NUFIP2: variants seen among roughly 807,000 people sequenced by gnomAD.
NUFIP2 encodes the protein nuclear FMR1 interacting protein 2.
NUFIP2 carries 6 observed loss-of-function variants against 56.9 expected under a neutral mutation model. That is an observed-to-expected ratio of 0.11 (90% CI 0.06 to 0.21). NUFIP2 has a LOEUF of 0.21. Among genes scored for constraint, NUFIP2 ranks in the 10% least tolerant of loss-of-function variants. The pLI is 1.00. For missense variants in NUFIP2, 828 were observed against 826.8 expected, an observed-to-expected ratio of 1.00 and a Z score of -0.02; for synonymous variants, 321 against 298.2, an observed-to-expected ratio of 1.08 and a Z score of -0.79.
At position 29,292,888 on chromosome 17, in the gene NUFIP2, G is replaced by T. The variant is rs1229173150; in HGVS notation, c.277+895C>A. Among the ~76,000 whole-genome samples the T allele has an allele frequency of 2.8e-5, 4 of 142,180 alleles. 1 individual carries two copies. The highest frequency in any genetic ancestry group is 2.1e-4 in the South Asian group (1 of 4,734). The allele number at this position is 142,180 out of a possible 152,430, so 93.3% of individuals were successfully genotyped here. A position where few individuals can be genotyped will look rare whatever the true frequency, so the allele number is the denominator to read the frequency against. On this transcript the variant is annotated intron_variant, in intron 1 of 3. Transcript: ENST00000225388. ...CACAACCCCGGCCGGCGACGGGGGG[G>T]GGGGCGGCCGCGGTGCGGGGGGCGC...
At chr17:29,277,063 C>T (rs1481070915) in intron 2 of NUFIP2, among the ~76,000 whole-genome samples, 3 of 152,162 alleles carry the variant, frequency 2.0e-5, no homozygotes, top group East Asian at 1.9e-4. Flanking sequence ...CTCGCTCTGT[C>T]GCCCAGACTA....
intron 2 of NUFIP2, among the ~76,000 whole-genome samples, chr17:29,275,749 C>G (rs1168938780): frequency 2.6e-5 from 4 of 151,998 alleles, no homozygotes; most frequent in Non-Finnish European, 4.4e-5. Flanking sequence ...ATCTGACAGC[C>G]GGGTGCAGTG....
chr17:29,266,432 T>G (rs946979001), intron 3 of NUFIP2, among the ~76,000 whole-genome samples: 8 of 151,962 alleles, frequency 5.3e-5, no homozygotes, highest in African/African-American at 1.9e-4. Flanking sequence ...TCCTAATATG[T>G]AAAATAAGAG....
chr17:29,266,627 T>C (rs2069038545), intron 3 of NUFIP2, among the ~76,000 whole-genome samples: 1 of 151,912 alleles, frequency 6.6e-6, no homozygotes, highest in South Asian at 2.1e-4. Flanking sequence ...GAACTATGAA[T>C]TTCAATTCTT....
chr17:29,268,771 C>T (rs1188285279), intron 2 of NUFIP2, among the ~76,000 whole-genome samples: 1 of 151,904 alleles, frequency 6.6e-6, no homozygotes, highest in Non-Finnish European at 1.5e-5. Context: ...TCAAGTGATC[C>T]GCCCACCTCA....
Position 29,260,326 on chromosome 17 carries a change from T to C in NUFIP2, c.*4213A>G, listed in dbSNP as rs2068995221. On this transcript the variant is annotated 3_prime_UTR_variant, in exon 4 of 4. Transcript: ENST00000225388. The stretch of plus-strand genomic sequence containing the variant: ...TCAACCAATCTGACCATAATGACCA[T>C]TATATTTGTCCCATAACATAACTGT... The C allele has an allele frequency of 6.6e-6, 1 of 152,198 alleles. No homozygotes were observed. Among genetic ancestry groups the C allele is most frequent in the African/African-American group, 2.4e-5 (1 of 41,434 alleles). 9.4% of individuals were successfully genotyped at this position (152,198 alleles called of 1,614,324 possible).
chr17:29,264,939 A>G (rs1441187247), intron 3 of NUFIP2, among the ~76,000 whole-genome samples: 1 of 152,244 alleles, frequency 6.6e-6, no homozygotes, highest in Non-Finnish European at 1.5e-5. Flanking sequence ...CTTGTCACCA[A>G]TAATCCAATA....
At position 29,260,719 on chromosome 17, in the gene NUFIP2, G is replaced by A. The variant is rs1442927267; in HGVS notation, c.*3820C>T. On this transcript the variant is annotated 3_prime_UTR_variant, in exon 4 of 4. Transcript: ENST00000225388. ...TGTATTGTGGACAACTCCCATAGTT[G>A]AGGTTTGTCATATTTTCCCTACAAA... is the stretch of plus-strand genomic sequence containing the variant. 1 of 152,146 alleles carries A rather than the reference G, an allele frequency of 6.6e-6. No homozygotes were observed. Among genetic ancestry groups the A allele is most frequent in the Non-Finnish European group, 1.5e-5 (1 of 68,036 alleles). 9.4% of individuals were successfully genotyped at this position (152,146 alleles called of 1,614,324 possible). A position where few individuals can be genotyped will look rare whatever the true frequency, so the allele number is the denominator to read the frequency against.
At chr17:29,281,783 T>C (rs915912075) in intron 2 of NUFIP2, among the ~76,000 whole-genome samples, 1 of 150,288 alleles carries the variant, frequency 6.7e-6, no homozygotes, top group Non-Finnish European at 1.5e-5. Flanking sequence ...TTTTTTTTTT[T>C]AGAAGGAGCC....
At chr17:29,293,345 G>A (rs1432429065) in intron 1 of NUFIP2, among the ~76,000 whole-genome samples, 1 of 151,948 alleles carries the variant, frequency 6.6e-6, no homozygotes. Flanking sequence ...CCTGCAAAAG[G>A]GTCTCGCGAC....
rs1839203350 is a variant in NUFIP2 at position 29,260,124 on chromosome 17, C to T, written c.*4415G>A. ...TGTGCCTCTGGCAAACCTAAAGCAG[C>T]TATTTATGCTTCTAGTCTTTTCCTC... On this transcript the variant is annotated 3_prime_UTR_variant, in exon 4 of 4. Coordinates refer to ENST00000225388, the MANE Select transcript of NUFIP2 (RefSeq NM_020772.3). 1 of 152,164 alleles carries T rather than the reference C, an allele frequency of 6.6e-6. No individual in the cohort carries two copies. Among genetic ancestry groups the T allele is most frequent in the African/African-American group, 2.4e-5 (1 of 41,426 alleles). 9.4% of individuals were successfully genotyped at this position (152,164 alleles called of 1,614,324 possible).
intron 2 of NUFIP2, among the ~76,000 whole-genome samples, chr17:29,282,758 A>G (rs1405832482): frequency 6.6e-6 from 1 of 152,150 alleles, no homozygotes; most frequent in Non-Finnish European, 1.5e-5. Flanking sequence ...CTTAGAGATT[A>G]CTACTGAACA....
chr17:29,283,343 GTTGTT>G (rs2069151516), intron 2 of NUFIP2, among the ~76,000 whole-genome samples: 1 of 152,134 alleles, frequency 6.6e-6, no homozygotes. Context: ...TACACATTTT[GTTGTT>G]TTGTTTTGAG....
At chr17:29,290,390 T>G (rs187489665) in intron 1 of NUFIP2, among the ~76,000 whole-genome samples, 1,734 of 151,946 alleles carry the variant, frequency 0.011, 34 homozygotes, top group African/African-American at 0.039. Context: ...GCACAGTGGC[T>G]CACATCTGTA....
At position 29,256,879 on chromosome 17, in the gene NUFIP2, TACAAACA is replaced by T. The variant is rs2068974371; in HGVS notation, c.*7653_*7659del. The T allele has an allele frequency of 6.6e-6, 1 of 152,198 alleles. No individual in the cohort carries two copies. Among genetic ancestry groups the T allele is most frequent in the African/African-American group, 2.4e-5 (1 of 41,452 alleles). 9.4% of individuals were successfully genotyped at this position (152,198 alleles called of 1,614,324 possible). A position where few individuals can be genotyped will look rare whatever the true frequency, so the allele number is the denominator to read the frequency against. On this transcript the variant is annotated 3_prime_UTR_variant, in exon 4 of 4. Coordinates refer to ENST00000225388, the MANE Select transcript of NUFIP2 (RefSeq NM_020772.3). Reference sequence around the variant, plus strand: ...TTTAAAACAACCAGTGCTTTGATCTTACAAACAACTGAATAATTCTAATCTCAAGCCA... The same window carrying T: ...TTTAAAACAACCAGTGCTTTGATCTTACTGAATAATTCTAATCTCAAGCCA...
At chr17:29,266,788 G>C (rs1467174180) in intron 3 of NUFIP2, among the ~76,000 whole-genome samples, 1 of 151,676 alleles carries the variant, frequency 6.6e-6, no homozygotes, top group Non-Finnish European at 1.5e-5. Flanking sequence ...TCTTCATCTA[G>C]TAGGTAAATA....
intron 1 of NUFIP2, among the ~76,000 whole-genome samples, chr17:29,293,257 C>A (rs1051769386): frequency 7.3e-5 from 11 of 151,292 alleles, no homozygotes; most frequent in Admixed American, 1.3e-4. Flanking sequence ...AGACGGGGAG[C>A]CCCAAGGCCA....
intron 2 of NUFIP2, among the ~76,000 whole-genome samples, chr17:29,268,811 C>G (rs811300): frequency 0.66 from 100,427 of 151,902 alleles, 33,856 homozygotes; most frequent in East Asian, 0.87. Context: ...TTACAAGCAT[C>G]AGCCACCACA....
In NUFIP2 at chr17:29,294,000, GTGCGGATGGTGGTGGCT is replaced by G; in HGVS notation, c.43_59del (p.Ser15ProfsTer56). 1.2e-6 allele frequency: 2 copies of G among 1,613,218 alleles called. No individual in the cohort carries two copies. The highest frequency in any genetic ancestry group is 2.7e-5 in the African/African-American group (2 of 74,964). On this transcript the variant is annotated frameshift_variant, in exon 1 of 4. Transcript: ENST00000225388. LOFTEE classifies it high-confidence loss of function. ...GCTGCTGCTGCTGCTGAGGGTGATG[GTGCGGATGGTGGTGGCT>G]GTGATGGTGCTGAGGCTGTGGCTGG... is the stretch of plus-strand genomic sequence containing the variant.
Sources: gnomAD v4.1 joint callset for allele counts (sites outside exome capture counted in the v4.1 genomes callset) on GRCh38, gnomAD v4.1.1 for gene constraint, MANE v1.5 for transcripts, NCBI Gene and HGNC (gene_info 2026-07-23, HGNC 2026-07-21) for gene names.